The following PLCH1 variants were observed in gnomAD, a reference collection of about 807,000 sequenced individuals.
PLCH1 encodes 1-phosphatidylinositol 4,5-bisphosphate phosphodiesterase eta-1.
A neutral mutation model predicts 126.7 loss-of-function variants in PLCH1; 60 were observed. The observed-to-expected ratio is 0.47, with a 90% CI of 0.38 to 0.59. The LOEUF (loss-of-function observed/expected upper bound fraction) is 0.59. Among genes scored for constraint, PLCH1 ranks in the 20% least tolerant of loss-of-function variants. PLCH1 has a pLI of 0.00. For synonymous variants in PLCH1, 719 were observed against 734.9 expected (o/e 0.98, Z 0.35); for missense variants, 1,723 against 2,040.0 (o/e 0.84, Z 2.99).
At chr3:155,721,954 G>A (rs768691973) in intron 1 of PLCH1, among the ~76,000 whole-genome samples, 43 of 152,176 alleles carry the variant, frequency 2.8e-4, no homozygotes, top group African/African-American at 9.9e-4. Flanking sequence ...GGCTGAAGCA[G>A]GAGAACTGCT....
intron 11 of PLCH1, 113 bp downstream of exon 11, chr3:155,523,784 C>T (rs974327636): frequency 3.2e-6 from 2 of 632,378 alleles, no homozygotes; most frequent in Non-Finnish European, 2.8e-6. Context: ...AATGAATATC[C>T]TTTCTACACC....
chr3:155,717,358 C>T lies in PLCH1; in HGVS notation c.-40-13094G>A, dbSNP rs111339540. The stretch of plus-strand genomic sequence containing the variant: ...CCACTAGGCAGTGCCCTGGTGGGGA[C>T]AGTGTGTGGAAGCTCCATCCCCACA... On this transcript the variant is annotated intron_variant, in intron 1 of 22. Coordinates refer to ENST00000460012, the MANE Select transcript of PLCH1 (RefSeq NM_014996.4). Among the ~76,000 whole-genome samples the T allele has an allele frequency of 8.7e-3, 1,322 of 152,326 alleles. 20 individuals carry two copies. The highest frequency in any genetic ancestry group is 0.03 in the African/African-American group (1,246 of 41,560).
chr3:155,536,016 TG>T (rs746662881), intron 10 of PLCH1, among the ~76,000 whole-genome samples: 10 of 152,178 alleles, frequency 6.6e-5, no homozygotes, highest in Admixed American at 1.3e-4. Flanking sequence ...CAGATATTCC[TG>T]AGTACCAGGC....
intron 2 of PLCH1, among the ~76,000 whole-genome samples, chr3:155,701,402 G>A (rs375104067): frequency 2.6e-5 from 4 of 152,098 alleles, no homozygotes; most frequent in Admixed American, 6.5e-5. Flanking sequence ...TTTTAACATA[G>A]CTCTTTTATC....
At chr3:155,453,148 A>G (rs13094738) in intron 21 of PLCH1, among the ~76,000 whole-genome samples, 40,506 of 152,026 alleles carry the variant, frequency 0.27, 5,823 homozygotes, top group East Asian at 0.42. Flanking sequence ...AACAAGGCAT[A>G]ATCTGAATTA....
chr3:155,656,513 A>T (rs1741388141), intron 2 of PLCH1, among the ~76,000 whole-genome samples: 1 of 152,230 alleles, frequency 6.6e-6, no homozygotes, highest in Non-Finnish European at 1.5e-5. Context: ...TCATTAATGT[A>T]ATTCACCATT....
intron 21 of PLCH1, chr3:155,487,139 CCTT>C (rs1166804354): frequency 6.6e-6 from 1 of 152,162 alleles, no homozygotes; most frequent in East Asian, 1.9e-4. Flanking sequence ...ATGGTCCATT[CCTT>C]ATTAGTTAGG....
intron 4 of PLCH1, among the ~76,000 whole-genome samples, chr3:155,590,490 ATG>A (rs1731996355): frequency 6.6e-6 from 1 of 151,640 alleles, no homozygotes; most frequent in African/African-American, 2.4e-5. Context: ...AGGCAGGAGA[ATG>A]GCGTAAACAG....
At chr3:155,685,351 T>G in intron 2 of PLCH1, among the ~76,000 whole-genome samples, 1 of 152,226 alleles carries the variant, frequency 6.6e-6, no homozygotes, top group East Asian at 1.9e-4. Flanking sequence ...TTCCCTTGGA[T>G]GAAAATTATC....
chr3:155,467,635 A>G (rs1461318724), intron 21 of PLCH1, among the ~76,000 whole-genome samples: 2 of 152,310 alleles, frequency 1.3e-5, no homozygotes, highest in African/African-American at 4.8e-5. Flanking sequence ...TAGAGTTACA[A>G]TACATCTGGC....
intron 1 of PLCH1, among the ~76,000 whole-genome samples, chr3:155,704,629 G>C (rs1247382560): frequency 6.6e-6 from 1 of 152,150 alleles, no homozygotes; most frequent in Non-Finnish European, 1.5e-5. Context: ...TAACATTTCA[G>C]GAAATTTCAG....
chr3:155,522,368 A>AT (rs1652199529), intron 11 of PLCH1, among the ~76,000 whole-genome samples: 1 of 152,234 alleles, frequency 6.6e-6, no homozygotes, highest in South Asian at 2.1e-4. Flanking sequence ...CTCTATTTAG[A>AT]TTTTCTGTAA....
At chr3:155,585,608 C>T (rs571423606) in intron 5 of PLCH1, among the ~76,000 whole-genome samples, 1 of 152,220 alleles carries the variant, frequency 6.6e-6, no homozygotes, top group South Asian at 2.1e-4. Flanking sequence ...TTCTGGAGAG[C>T]TCCCTAAATG....
intron 1 of PLCH1, among the ~76,000 whole-genome samples, chr3:155,708,000 T>G (rs1746815195): frequency 6.6e-6 from 1 of 152,196 alleles, no homozygotes; most frequent in Admixed American, 6.5e-5. Flanking sequence ...TTACCTAAAA[T>G]TCTTTCATGC....
intron 2 of PLCH1, among the ~76,000 whole-genome samples, chr3:155,599,611 T>C (rs1733462311): frequency 1.3e-5 from 2 of 152,170 alleles, no homozygotes; most frequent in Non-Finnish European, 2.9e-5. Flanking sequence ...GATGTTTCCT[T>C]GAGAAGAGAG....
rs1714178519 is a variant in PLCH1 at position 155,482,135 on chromosome 3, A to G, written c.3891T>C (p.Pro1297=). The change falls in exon 23 of 23, where the codon CCT becomes CCC. Residue 1297 remains proline, a synonymous_variant. Coordinates refer to ENST00000460012, the MANE Select transcript of PLCH1 (RefSeq NM_014996.4). ...AGCCACGAGAAGTATTAGGGGATCCAGGCAGGTTGCTTTCTAAGGCCGCTG... is the reference window on the plus strand; with the variant it reads ...AGCCACGAGAAGTATTAGGGGATCCGGGCAGGTTGCTTTCTAAGGCCGCTG... ...AKTAALESNL[P]GSPNTSRGWL... is the part of the protein sequence containing the mutation. 5.6e-6 allele frequency: 9 copies of G among 1,614,170 alleles called. No homozygotes were observed. In the East Asian group the frequency reaches 1.3e-4, roughly 24 times the overall value.
chr3:155,504,510 T>C, intron 13 of PLCH1, 45 bp downstream of exon 13: 1 of 1,068,778 alleles, frequency 9.4e-7, no homozygotes, highest in Non-Finnish European at 1.5e-6. Context: ...TTCCAGAATC[T>C]TTAAATTAAC....
At chr3:155,680,080 T>A (rs1162448349) in intron 2 of PLCH1, among the ~76,000 whole-genome samples, 1 of 151,926 alleles carries the variant, frequency 6.6e-6, no homozygotes, top group Non-Finnish European at 1.5e-5. Context: ...CTTTAAAAAA[T>A]AAATAAATAA....
chr3:155,534,030 G>T (rs1723026921), intron 10 of PLCH1, among the ~76,000 whole-genome samples: 1 of 152,232 alleles, frequency 6.6e-6, no homozygotes, highest in Non-Finnish European at 1.5e-5. Flanking sequence ...GTATGGAAGA[G>T]AAATGTGGAG....
Sources: allele counts gnomAD v4.1 joint callset (sites outside exome capture counted in the v4.1 genomes callset), GRCh38; gene constraint gnomAD v4.1.1; transcripts MANE v1.5; gene names NCBI Gene and HGNC (gene_info 2026-07-23, HGNC 2026-07-21).